Variants in VGLL4 observed in about 807,000 individuals in gnomAD.
The protein encoded by VGLL4 is transcription cofactor vestigial-like protein 4.
In VGLL4, 7 loss-of-function variants were observed where a neutral mutation model predicts 21.0. The ratio of observed to expected loss-of-function variants is 0.33; its 90% CI spans 0.19 to 0.63. The LOEUF (loss-of-function observed/expected upper bound fraction) is 0.63, where lower values mean the gene tolerates loss of function less well. Among genes scored for constraint, VGLL4 ranks in the 20% least tolerant of loss-of-function variants. The pLI is 0.78. For missense variants in VGLL4, 394 were observed against 425.7 expected (o/e 0.93, Z 0.66); for synonymous variants, 222 against 173.2 (o/e 1.28, Z -2.21).
rs13319470 is a variant in VGLL4 at position 11,704,493 on chromosome 3, T to A, written c.-13-1446A>T. Among the ~76,000 whole-genome samples the A allele has an allele frequency of 7.5e-3, 1,129 of 150,032 alleles. 22 individuals are homozygous for A. Among genetic ancestry groups the A allele is most frequent in the African/African-American group, 0.027 (1,091 of 40,916 alleles). On this transcript the variant is annotated intron_variant, in intron 1 of 5. Coordinates refer to the VGLL4 transcript ENST00000273038. Reference sequence around the variant, plus strand: ...TAAACGTTAAATATCTACAAGGAGCTCCAGGCGGGAAAAATAAACAAAGCC... The same window carrying A: ...TAAACGTTAAATATCTACAAGGAGCACCAGGCGGGAAAAATAAACAAAGCC...
intron 2 of VGLL4, among the ~76,000 whole-genome samples, chr3:11,665,111 T>TTC (rs1559932622): frequency 4.8e-5 from 6 of 125,006 alleles, no homozygotes; most frequent in Non-Finnish European, 1.0e-4. Context: ...CTTTTTTTTT[T>TTC]TTTTTTTTTT....
chr3:11,578,447 G>C (rs966449923), intron 2 of VGLL4, among the ~76,000 whole-genome samples: 7 of 152,118 alleles, frequency 4.6e-5, no homozygotes, highest in African/African-American at 1.7e-4. Flanking sequence ...CCTAAGGTTG[G>C]TAGGAACCAG....
intron 2 of VGLL4, among the ~76,000 whole-genome samples, chr3:11,579,130 C>A (rs1057446045): frequency 6.7e-6 from 1 of 150,214 alleles, no homozygotes. Context: ...TAATTCTCAA[C>A]ATGAACTGCC....
Position 11,643,786 on chromosome 3 carries a change from G to C in VGLL4, c.-268C>G. On this transcript the variant is annotated 5_prime_UTR_variant, in exon 1 of 5. Transcript: ENST00000430365. ...CGAGTATGAAAACAGCGTTTCAGAAGTCCTTACAAGTCCTTCCTGGAAATG... is the reference window on the plus strand; with the variant it reads ...CGAGTATGAAAACAGCGTTTCAGAACTCCTTACAAGTCCTTCCTGGAAATG... 1.7e-6 allele frequency: 2 copies of C among 1,163,768 alleles called. No individual in the cohort carries two copies. Among genetic ancestry groups the C allele is most frequent in the Non-Finnish European group, 2.1e-6 (2 of 943,034 alleles). The allele number at this position is 1,163,768 out of a possible 1,614,324, so 72.1% of individuals were successfully genotyped here.
chr3:11,661,543 T>G (rs1379578043), intron 2 of VGLL4, among the ~76,000 whole-genome samples: 1 of 152,046 alleles, frequency 6.6e-6, no homozygotes, highest in East Asian at 1.9e-4. Flanking sequence ...TGATCCTGGC[T>G]CACTGCAACC....
At chr3:11,608,109 G>A (rs1199445120) in intron 1 of VGLL4, among the ~76,000 whole-genome samples, 2 of 152,130 alleles carry the variant, frequency 1.3e-5, no homozygotes, top group African/African-American at 4.8e-5. Flanking sequence ...ACAATGGTCT[G>A]GCAATTGAAA....
chr3:11,693,248 G>C, intron 2 of VGLL4: 1 of 160,486 alleles, frequency 6.2e-6, no homozygotes, highest in South Asian at 1.6e-4. Flanking sequence ...CTTGGAATTT[G>C]TACATTATTA....
chr3:11,653,216 G>A lies in VGLL4; in HGVS notation c.64+49755C>T, dbSNP rs1043947620. The stretch of plus-strand genomic sequence containing the variant: ...AGTCATCCTTCCAACCAGTTAGGGT[G>A]CCGTCCAGGAAAGAGAAATCATGGC... On this transcript the variant is annotated intron_variant, in intron 2 of 5. Transcript: ENST00000273038. The surrounding 1 kb of genome is among the most constrained non-coding windows in gnomAD (Gnocchi z 4.2). Among the ~76,000 whole-genome samples, 1 of 152,170 alleles carries A rather than the reference G, an allele frequency of 6.6e-6. No homozygotes were observed. The highest frequency in any genetic ancestry group is 1.5e-5 in the Non-Finnish European group (1 of 68,034).
rs71044228 is a variant in VGLL4 at position 11,578,748 on chromosome 3, C to CTTTTTTT, written c.273-13736_273-13730dup. Among the ~76,000 whole-genome samples the CTTTTTTT allele has an allele frequency of 1.5e-3, 156 of 104,690 alleles. 4 individuals carry two copies. The highest frequency in any genetic ancestry group is 2.1e-3 in the Non-Finnish European group (120 of 56,610). 68.7% of individuals were successfully genotyped at this position (104,690 alleles called of 152,430 possible). Reference sequence around the variant, plus strand: ...TTTTGAGGCATCTACTGTATATTTTCTTTTTTTTTTTTTTTTTTTGAGATG... The same window carrying CTTTTTTT: ...TTTTGAGGCATCTACTGTATATTTTCTTTTTTTTTTTTTTTTTTTTTTTTTTGAGATG... On this transcript the variant is annotated intron_variant, in intron 2 of 4. Transcript: ENST00000430365.
chr3:11,568,962 A>AG lies in VGLL4; in HGVS notation c.273-3944dup. 5 of 1,189,662 alleles carry AG rather than the reference A, an allele frequency of 4.2e-6. No homozygotes were observed. Among genetic ancestry groups the AG allele is most frequent in the Non-Finnish European group, 5.2e-6 (5 of 952,836 alleles). 73.7% of individuals were successfully genotyped at this position (1,189,662 alleles called of 1,614,324 possible). A position where few individuals can be genotyped will look rare whatever the true frequency, so the allele number is the denominator to read the frequency against. On this transcript the variant is annotated intron_variant, in intron 2 of 4. Transcript: ENST00000430365. This position sits in a 1 kb window ranked among gnomAD's most constrained non-coding sequence, Gnocchi z 5.9. ...TGCCCACGGAGAGAAAGATGGAAAG[A>AG]GGAGGGAGGGAAAGAGAGGCCTACA...
At chr3:11,673,059 A>T (rs2076240023) in intron 2 of VGLL4, among the ~76,000 whole-genome samples, 1 of 152,164 alleles carries the variant, frequency 6.6e-6, no homozygotes, top group South Asian at 2.1e-4. Context: ...CTCAGAGATC[A>T]CCCAACATTG....
intron 1 of VGLL4, among the ~76,000 whole-genome samples, chr3:11,625,539 T>C (rs1425738033): frequency 6.6e-6 from 1 of 152,146 alleles, no homozygotes; most frequent in Non-Finnish European, 1.5e-5. Flanking sequence ...TCCAGACAGG[T>C]TACACCAGAG....
chr3:11,677,277 ATTTTT>A (rs768290568), intron 2 of VGLL4, among the ~76,000 whole-genome samples: 1 of 145,300 alleles, frequency 6.9e-6, no homozygotes, highest in Non-Finnish European at 1.5e-5. Flanking sequence ...ACAGACTGCA[ATTTTT>A]TTTTTTTTTG....
At chr3:11,575,707 A>T (rs139251501) in intron 2 of VGLL4, among the ~76,000 whole-genome samples, 8 of 152,348 alleles carry the variant, frequency 5.3e-5, no homozygotes, top group African/African-American at 1.7e-4. Flanking sequence ...GGAAGTCTCC[A>T]TCTTTCCATT....
At chr3:11,714,180 C>T (rs2076888142) in intron 1 of VGLL4, among the ~76,000 whole-genome samples, 1 of 152,200 alleles carries the variant, frequency 6.6e-6, no homozygotes, top group African/African-American at 2.4e-5. Flanking sequence ...TACATTACAA[C>T]ACATTTCACG....
chr3:11,652,059 G>C (rs1464439322), intron 2 of VGLL4, among the ~76,000 whole-genome samples: 9 of 152,234 alleles, frequency 5.9e-5, no homozygotes, highest in Middle Eastern at 6.8e-3. Flanking sequence ...ACAAATCTAT[G>C]GACTTTTCAA....
At chr3:11,646,662 G>T (rs1442686793), upstream of VGLL4, among the ~76,000 whole-genome samples, 2 of 152,032 alleles carry the variant, frequency 1.3e-5, no homozygotes, top group Non-Finnish European at 2.9e-5. Flanking sequence ...CAATACCATT[G>T]TAGAAAATGA....
upstream of VGLL4, among the ~76,000 whole-genome samples, chr3:11,646,365 T>C (rs1351147245): frequency 6.6e-6 from 1 of 152,198 alleles, no homozygotes; most frequent in Non-Finnish European, 1.5e-5. Context: ...ATCAGAAAAC[T>C]TTATCCATCA....
chr3:11,626,624 G>T, intron 1 of VGLL4: 1 of 270,876 alleles, frequency 3.7e-6, no homozygotes, highest in South Asian at 4.0e-5. Context: ...TGAGAATGGG[G>T]CATTCATTCT....
Sources: allele counts gnomAD v4.1 joint callset (sites outside exome capture counted in the v4.1 genomes callset), GRCh38; gene constraint gnomAD v4.1.1; non-coding constraint Gnocchi (gnomAD v3.1); transcripts MANE v1.5; gene names NCBI Gene and HGNC (gene_info 2026-07-23, HGNC 2026-07-21).